The following SOX6 variants were observed in gnomAD, a reference collection of about 807,000 sequenced individuals.
The protein encoded by SOX6 is transcription factor SOX-6.
In SOX6, 11 loss-of-function variants were observed where a neutral mutation model predicts 97.8. The ratio of observed to expected loss-of-function variants is 0.11; its 90% CI spans 0.07 to 0.19. The LOEUF (loss-of-function observed/expected upper bound fraction) is 0.19, where lower values mean the gene tolerates loss of function less well. Among genes scored for constraint, SOX6 ranks in the 10% least tolerant of loss-of-function variants. SOX6 has a pLI of 1.00. For missense variants in SOX6, 810 were observed against 1,039.5 expected (o/e 0.78, Z 3.04); for synonymous variants, 360 against 371.4 (o/e 0.97, Z 0.35).
intron 13 of SOX6, among the ~76,000 whole-genome samples, chr11:15,998,560 A>G (rs1854302697): frequency 6.6e-6 from 1 of 151,934 alleles, no homozygotes; most frequent in Non-Finnish European, 1.5e-5. Flanking sequence ...TTTTCATATA[A>G]GGTGACAAAC....
chr11:16,513,268 A>G (rs1457610103), intron 4 of SOX6, among the ~76,000 whole-genome samples: 1 of 152,220 alleles, frequency 6.6e-6, no homozygotes, highest in Non-Finnish European at 1.5e-5. Flanking sequence ...TTTAAAAAGA[A>G]ATAAAACAAA....
At position 16,300,845 on chromosome 11, in the gene SOX6, C is replaced by A. The variant is rs553363525; in HGVS notation, c.445+17601G>T. Among the ~76,000 whole-genome samples the A allele has an allele frequency of 6.6e-6, 1 of 152,202 alleles. No homozygotes were observed. Among genetic ancestry groups the A allele is most frequent in the Non-Finnish European group, 1.5e-5 (1 of 68,038 alleles). ...TAAAGCCTGTGGGTTTTGTTTTTCA[C>A]ATTATTTTGGCTCATCATCCAATAA... On this transcript the variant is annotated intron_variant, in intron 3 of 15. Coordinates refer to ENST00000683767, the MANE Select transcript of SOX6 (RefSeq NM_001367873.1). The surrounding 1 kb of genome is among the most constrained non-coding windows in gnomAD (Gnocchi z 4.1).
At chr11:16,525,134 T>C (rs1267497280) in intron 4 of SOX6, among the ~76,000 whole-genome samples, 1 of 152,138 alleles carries the variant, frequency 6.6e-6, no homozygotes, top group Admixed American at 6.5e-5. Context: ...AAAACTACTT[T>C]AAAGTTCATA....
intron 2 of SOX6, 78 bp from the exon 3 acceptor site, chr11:16,318,731 A>G: frequency 8.6e-7 from 1 of 1,166,020 alleles, no homozygotes; most frequent in South Asian, 1.3e-5. Context: ...TCCCAAACTG[A>G]GGACAGTATA....
intron 4 of SOX6, among the ~76,000 whole-genome samples, chr11:16,506,895 C>G (rs1244038009): frequency 6.6e-6 from 1 of 152,014 alleles, no homozygotes; most frequent in Admixed American, 6.6e-5. Flanking sequence ...GAAACCCTGT[C>G]TCTACTAAAA....
At chr11:16,142,342 C>G (rs1850167143) in intron 6 of SOX6, among the ~76,000 whole-genome samples, 1 of 152,096 alleles carries the variant, frequency 6.6e-6, no homozygotes, top group African/African-American at 2.4e-5. Context: ...CACACTAAAA[C>G]CCCATCTGTA....
At chr11:16,692,834 AGATT>A (rs1188425451) in intron 3 of SOX6, among the ~76,000 whole-genome samples, 1 of 151,874 alleles carries the variant, frequency 6.6e-6, no homozygotes, top group Non-Finnish European at 1.5e-5. Context: ...ATTTTATTAG[AGATT>A]GTTTATAAAC....
chr11:16,645,263 G>A (rs927506487), intron 3 of SOX6, among the ~76,000 whole-genome samples: 12 of 152,038 alleles, frequency 7.9e-5, no homozygotes, highest in African/African-American at 2.9e-4. Context: ...TGCACAAATC[G>A]CAAGTTCACT....
chr11:16,232,183 T>C (rs1371421780), intron 4 of SOX6, among the ~76,000 whole-genome samples: 1 of 151,960 alleles, frequency 6.6e-6, no homozygotes, highest in African/African-American at 2.4e-5. Context: ...AGAAGTAATT[T>C]AGGTGGATAA....
At chr11:16,145,301 C>T (rs1482450569) in intron 6 of SOX6, among the ~76,000 whole-genome samples, 2 of 152,144 alleles carry the variant, frequency 1.3e-5, no homozygotes, top group Non-Finnish European at 2.9e-5. Context: ...AATTCAACAG[C>T]CCTTCATGCT....
chr11:16,238,246 A>G (rs571049485), intron 3 of SOX6, among the ~76,000 whole-genome samples: 1 of 152,088 alleles, frequency 6.6e-6, no homozygotes, highest in East Asian at 1.9e-4. Context: ...TATCAGTTGC[A>G]TTGTTTCTGG....
chr11:16,682,382 C>A (rs2352659), intron 3 of SOX6, among the ~76,000 whole-genome samples: 127,089 of 152,198 alleles, frequency 0.84, 53,152 homozygotes, highest in Middle Eastern at 0.91. Flanking sequence ...GAAAAAGTTT[C>A]TCCACCACGA....
At chr11:16,542,015 G>A (rs10832640) in intron 4 of SOX6, among the ~76,000 whole-genome samples, 37,456 of 151,966 alleles carry the variant, frequency 0.25, 5,106 homozygotes, top group East Asian at 0.48. Flanking sequence ...ACATGCACAT[G>A]TATGTTTATT....
At chr11:16,040,660 G>T (rs1855637335) in intron 12 of SOX6, among the ~76,000 whole-genome samples, 1 of 151,986 alleles carries the variant, frequency 6.6e-6, no homozygotes, top group African/African-American at 2.4e-5. Context: ...ATTGATGTTT[G>T]AAACTCAGAT....
chr11:16,612,351 T>C (rs1848408211), intron 3 of SOX6: 1 of 152,170 alleles, frequency 6.6e-6, no homozygotes, highest in Admixed American at 6.6e-5. Context: ...AAACTGTGCA[T>C]AGTCTCTAAG....
At chr11:16,413,667 C>T (rs1015196164) in intron 1 of SOX6, among the ~76,000 whole-genome samples, 1 of 151,420 alleles carries the variant, frequency 6.6e-6, no homozygotes, top group Non-Finnish European at 1.5e-5. Context: ...ATTACAGGCA[C>T]CTGCCACCAT....
chr11:16,091,378 G>T (rs1848683767), intron 9 of SOX6, among the ~76,000 whole-genome samples: 1 of 151,822 alleles, frequency 6.6e-6, no homozygotes, highest in Non-Finnish European at 1.5e-5. Context: ...TTCCAAGACT[G>T]CCCAGCAAAG....
intron 4 of SOX6, among the ~76,000 whole-genome samples, chr11:16,608,469 A>G (rs1052187311): frequency 1.3e-5 from 2 of 152,156 alleles, no homozygotes; most frequent in African/African-American, 4.8e-5. Context: ...AAGGAAAACG[A>G]AAAAAAGAAG....
At chr11:16,625,811 C>T (rs1281477474) in intron 3 of SOX6, among the ~76,000 whole-genome samples, 2 of 152,208 alleles carry the variant, frequency 1.3e-5, no homozygotes, top group Non-Finnish European at 2.9e-5. Flanking sequence ...AAGAGCTCCA[C>T]ACCCTTTCCC....
Sources: allele counts gnomAD v4.1 joint callset (sites outside exome capture counted in the v4.1 genomes callset), GRCh38; gene constraint gnomAD v4.1.1; non-coding constraint Gnocchi (gnomAD v3.1); transcripts MANE v1.5; gene names NCBI Gene and HGNC (gene_info 2026-07-23, HGNC 2026-07-21).